The following CLEC12A variants were observed in gnomAD, a reference collection of about 807,000 sequenced individuals.
CLEC12A encodes C-type lectin domain family 12 member A, also known as C-type lectin protein CLL-1.
A neutral mutation model predicts 26.5 loss-of-function variants in CLEC12A; 22 were observed. The observed-to-expected ratio is 0.83, with a 90% CI of 0.59 to 1.19. The LOEUF is 1.19. Among genes scored for constraint, CLEC12A ranks in the 50% most tolerant of loss-of-function variants. The probability of loss-of-function intolerance (pLI) is 0.00; values close to 1 mark genes in which losing one functional copy is unlikely to be tolerated. For missense variants in CLEC12A, 353 were observed against 315.6 expected, an observed-to-expected ratio of 1.12 and a Z score of -0.90; for synonymous variants, 119 against 101.9, an observed-to-expected ratio of 1.17 and a Z score of -1.01.
At chr12:9,973,255 G>A (rs1864198250) in intron 1 of CLEC12A, among the ~76,000 whole-genome samples, 1 of 152,090 alleles carries the variant, frequency 6.6e-6, no homozygotes, top group Non-Finnish European at 1.5e-5. Flanking sequence ...GAGGCCAGAA[G>A]TTTGAGACCA....
intron 3 of CLEC12A, among the ~76,000 whole-genome samples, chr12:9,979,815 C>A (rs1056846784): frequency 6.6e-6 from 1 of 152,118 alleles, no homozygotes; most frequent in South Asian, 2.1e-4. Context: ...TTATTCTGGG[C>A]ACTGAGGTTA....
At chr12:9,997,871 A>G (rs748785027), downstream of CLEC12A, among the ~76,000 whole-genome samples, 8 of 152,222 alleles carry the variant, frequency 5.3e-5, no homozygotes, top group Non-Finnish European at 1.0e-4. Context: ...AATGAGAAAC[A>G]GAAAATTTTA....
At chr12:9,978,478 T>C (rs778540348) in intron 1 of CLEC12A, among the ~76,000 whole-genome samples, 6 of 152,220 alleles carry the variant, frequency 3.9e-5, no homozygotes, top group Non-Finnish European at 8.8e-5. Context: ...GCCTATCTTG[T>C]TCATTCTGCA....
In CLEC12A at chr12:9,952,090, G is replaced by A. The variant is rs1349444267; in HGVS notation, c.10+734G>A. 4 of 94,100 alleles carry A rather than the reference G, an allele frequency of 4.3e-5. No homozygotes were observed. The East Asian group carries it at 1.5e-3, about 35-fold the overall frequency. The allele number at this position is 94,100 out of a possible 1,614,324, so 5.8% of individuals were successfully genotyped here. A position where few individuals can be genotyped will look rare whatever the true frequency, so the allele number is the denominator to read the frequency against. ...TCAAACTGTCAGACCCTGTCTCAAG[G>A]AAAAAAAAAAAAACAGGATGTGAGC... On this transcript the variant is annotated intron_variant, in intron 1 of 6. Transcript: ENST00000355690.
At chr12:9,982,518 T>C (rs1000985549) in intron 5 of CLEC12A, among the ~76,000 whole-genome samples, 2 of 152,218 alleles carry the variant, frequency 1.3e-5, no homozygotes, top group Admixed American at 6.5e-5. Flanking sequence ...TGCAGACTGA[T>C]TGAATTATGC....
the CLEC12A span, among the ~76,000 whole-genome samples, chr12:10,002,132 C>T: frequency 2.0e-5 from 3 of 152,056 alleles, no homozygotes; most frequent in Admixed American, 6.5e-5. Flanking sequence ...CCACCCGCCT[C>T]GGCCTCCCAA....
exon 5 of CLEC12A, chr12:9,995,193 C>A (rs1865009652): frequency 3.7e-6 from 6 of 1,613,184 alleles, no homozygotes; most frequent in Non-Finnish European, 5.1e-6. Context: ...CATTCGACTT[C>A]TGGCGAGATA....
chr12:9,990,640 G>A (rs1208633541), intron 4 of CLEC12A, among the ~76,000 whole-genome samples: 1 of 152,188 alleles, frequency 6.6e-6, no homozygotes, highest in Non-Finnish European at 1.5e-5. Flanking sequence ...TGCTAATAAA[G>A]TATTCTGAAT....
chr12:10,003,316 A>G, the CLEC12A span, among the ~76,000 whole-genome samples: 358 of 152,352 alleles, frequency 2.3e-3, 1 homozygote, highest in Admixed American at 4.3e-3. Context: ...TTAATAAGCT[A>G]AACAATTAAT....
intron 1 of CLEC12A, among the ~76,000 whole-genome samples, chr12:9,961,710 C>T (rs1863831596): frequency 7.1e-6 from 1 of 140,432 alleles, no homozygotes; most frequent in South Asian, 2.2e-4. Context: ...ATACATAAGG[C>T]CTGTTATTTA....
downstream of CLEC12A, among the ~76,000 whole-genome samples, chr12:9,988,050 G>T (rs867499520): frequency 2.3e-4 from 35 of 152,114 alleles, no homozygotes; most frequent in Non-Finnish European, 1.3e-4. Context: ...CTTTTGGGAA[G>T]ACATGATTGA....
chr12:9,994,569 A>C (rs934007852), intron 4 of CLEC12A, among the ~76,000 whole-genome samples: 1 of 152,212 alleles, frequency 6.6e-6, no homozygotes, highest in Non-Finnish European at 1.5e-5. Flanking sequence ...ACTCCACTCA[A>C]TGCAATCAGT....
chr12:9,982,691 A>C (rs1240327812), intron 5 of CLEC12A, among the ~76,000 whole-genome samples: 5 of 152,138 alleles, frequency 3.3e-5, no homozygotes, highest in African/African-American at 1.2e-4. Context: ...TGTTATATAA[A>C]TATATTGCAT....
At chr12:9,959,932 A>G (rs893185266) in intron 1 of CLEC12A, among the ~76,000 whole-genome samples, 5 of 152,170 alleles carry the variant, frequency 3.3e-5, no homozygotes, top group Admixed American at 6.5e-5. Flanking sequence ...ACATGAAACA[A>G]TTAGGGAATA....
At chr12:9,999,033 T>C (rs1252266788), downstream of CLEC12A, 1 of 1,557,016 alleles carries the variant, frequency 6.4e-7, no homozygotes. Flanking sequence ...CTGAGCATTC[T>C]TACCGGAGAT....
At position 9,971,659 on chromosome 12, in the gene CLEC12A, C is replaced by A; in HGVS notation, c.63C>A (p.Ile21=). ...QFQNSSEMEK[I]PEIGKFGEKA... ...AGAACTCCAGTGAGATGGAAAAAAT[C>A]CCAGAAATTGGCAAATTTGGGGAAA... The change falls in exon 1 of 6, where the codon ATC becomes ATA. Residue 21 remains isoleucine, a synonymous_variant. Transcript: ENST00000304361. The A allele has an allele frequency of 6.2e-7, 1 of 1,609,636 alleles. No homozygotes were observed. Among genetic ancestry groups the A allele is most frequent in the Non-Finnish European group, 8.5e-7 (1 of 1,177,862 alleles).
At chr12:9,961,855 C>G (rs998447452) in intron 1 of CLEC12A, among the ~76,000 whole-genome samples, 1 of 152,132 alleles carries the variant, frequency 6.6e-6, no homozygotes, top group Non-Finnish European at 1.5e-5. Context: ...CATTCTAATC[C>G]CTTTGCAGTG....
At chr12:9,976,809 T>C (rs1208878870) in intron 1 of CLEC12A, among the ~76,000 whole-genome samples, 1 of 152,040 alleles carries the variant, frequency 6.6e-6, no homozygotes, top group Non-Finnish European at 1.5e-5. Flanking sequence ...TCGTGGGAGG[T>C]AATTGAATCA....
intron 5 of CLEC12A, chr12:9,984,313 G>C (rs1298924198): frequency 6.6e-6 from 1 of 152,002 alleles, no homozygotes; most frequent in African/African-American, 2.4e-5. Context: ...AATCTAAAAG[G>C]TAATATTTTT....
Sources: gnomAD v4.1 joint callset for allele counts (sites outside exome capture counted in the v4.1 genomes callset) on GRCh38, gnomAD v4.1.1 for gene constraint, MANE v1.5 for transcripts, NCBI Gene and HGNC (gene_info 2026-07-23, HGNC 2026-07-21) for gene names.